Variants in FBN3 observed in about 807,000 individuals in gnomAD.
The protein encoded by FBN3 is fibrillin 3, also known as fibrillin-3.
FBN3 carries 234 observed loss-of-function variants against 330.1 expected under a neutral mutation model. That is an observed-to-expected ratio of 0.71 (90% CI 0.64 to 0.79). FBN3 has a LOEUF of 0.79. Ranked by LOEUF, FBN3 falls within the 30% of genes least tolerant of loss-of-function variation. FBN3 has a pLI of 0.00. For synonymous variants in FBN3, 1,458 were observed against 1,517.3 expected, an observed-to-expected ratio of 0.96 and a Z score of 0.91; for missense variants, 3,606 against 3,886.9, an observed-to-expected ratio of 0.93 and a Z score of 1.92.
At chr19:8,135,935 T>G in intron 13 of FBN3, 26 bp downstream of exon 13, 13 of 1,344,066 alleles carry the variant, frequency 9.7e-6, no homozygotes, top group Non-Finnish European at 1.1e-5. Flanking sequence ...CGGAAGCCCC[T>G]GCCCACCCGC....
chr19:8,142,234 G>T, intron 6 of FBN3, 97 bp from the exon 7 acceptor site: 1 of 949,934 alleles, frequency 1.1e-6, no homozygotes. Context: ...TGCACCCACA[G>T]ACCAGGCTTT....
In FBN3 at chr19:8,145,927, T is replaced by C. The variant is rs1168938170; in HGVS notation, c.361A>G (p.Ser121Gly). ...SCGVSRGSGC[S>G]VSCMNGGTCR... ...GTGCCCCCATTCATACAGCTCACAC[T>C]GCACCCTGACCCTGGGGACAGGAAG... Residue 121 changes from serine (S) to glycine (G), a missense_variant, in exon 5 of 64, where the codon AGT becomes GGT. By Grantham distance (56) the Ser-to-Gly change is moderately conservative. Transcript: ENST00000600128. The C allele has an allele frequency of 4.5e-6, 7 of 1,551,054 alleles. No homozygotes were observed. The highest frequency in any genetic ancestry group is 6.1e-6 in the Non-Finnish European group (7 of 1,146,930).
Position 8,080,987 on chromosome 19 carries a change from G to C in FBN3, c.7453+16C>G. The C allele has an allele frequency of 1.9e-6, 3 of 1,574,578 alleles. No individual in the cohort carries two copies. Among genetic ancestry groups the C allele is most frequent in the Non-Finnish European group, 2.6e-6 (3 of 1,147,188 alleles). ...GGTCATGGGTCACCTCCCGGTGAGGGGCAAGGGTCACTCACCGAAGCAGGC... is the reference window on the plus strand; with the variant it reads ...GGTCATGGGTCACCTCCCGGTGAGGCGCAAGGGTCACTCACCGAAGCAGGC... On this transcript the variant is annotated intron_variant, in intron 59 of 63. Coordinates refer to ENST00000600128, the MANE Select transcript of FBN3 (RefSeq NM_032447.5).
At chr19:8,136,582 G>T in intron 10 of FBN3, 51 bp from the exon 11 acceptor site, 1 of 1,605,922 alleles carries the variant, frequency 6.2e-7, no homozygotes, top group Non-Finnish European at 8.5e-7. Flanking sequence ...CCCCGCCCCA[G>T]TCTGGAGCCT....
chr19:8,135,935 T>TTGGGGGGGGCGGGGG, intron 13 of FBN3, 26 bp downstream of exon 13: 1 of 1,344,156 alleles, frequency 7.4e-7, no homozygotes, highest in Non-Finnish European at 1.0e-6. Context: ...CGGAAGCCCC[T>TTGGGGGGGGCGGGGG]GCCCACCCGC....
intron 8 of FBN3, among the ~76,000 whole-genome samples, chr19:8,141,358 T>A (rs1477817080): frequency 7.8e-6 from 1 of 127,772 alleles, no homozygotes; most frequent in East Asian, 2.2e-4. Context: ...AGAGTGAGAC[T>A]CTGTCTCAAA....
intron 63 of FBN3, among the ~76,000 whole-genome samples, chr19:8,069,482 GCC>G (rs201016238): frequency 7.0e-6 from 1 of 142,312 alleles, no homozygotes; most frequent in African/African-American, 2.7e-5. Context: ...CTGTTCCCCA[GCC>G]CCTCAGTTCT....
At chr19:8,130,032 G>A (rs1031267819) in intron 16 of FBN3, among the ~76,000 whole-genome samples, 28 of 151,930 alleles carry the variant, frequency 1.8e-4, no homozygotes, top group Non-Finnish European at 3.1e-4. Context: ...CAAGTAGCTG[G>A]GATTACAGCC....
chr19:8,070,310 A>G lies in FBN3; in HGVS notation c.8088+1738T>C, dbSNP rs192419926. Among the ~76,000 whole-genome samples, 17 of 152,352 alleles carry G rather than the reference A, an allele frequency of 1.1e-4. No homozygotes were observed. The East Asian group carries it at 3.3e-3, about 29-fold the overall frequency. Reference sequence around the variant, plus strand: ...TATCATATTTGTCATGTGTTATAAAAGATGATATGTTTTACATGTTGATTT... The same window carrying G: ...TATCATATTTGTCATGTGTTATAAAGGATGATATGTTTTACATGTTGATTT... On this transcript the variant is annotated intron_variant, in intron 63 of 63. Transcript: ENST00000600128.
chr19:8,096,300 C>G lies in FBN3; in HGVS notation c.5539+144G>C. ...ACTGAGGCACAGGGAGGCAGATCAA[C>G]CATTTACCCAAGATCTTAATCTCAG... On this transcript the variant is annotated intron_variant, in intron 44 of 63. Transcript: ENST00000600128. This position sits in a 1 kb window ranked among gnomAD's most constrained non-coding sequence, Gnocchi z 4.6. The G allele has an allele frequency of 9.3e-7, 1 of 1,072,816 alleles. No homozygotes were observed. The highest frequency in any genetic ancestry group is 1.3e-6 in the Non-Finnish European group (1 of 749,138). The allele number at this position is 1,072,816 out of a possible 1,614,324, so 66.5% of individuals were successfully genotyped here.
At position 8,109,626 on chromosome 19, in the gene FBN3, C is replaced by A; in HGVS notation, c.4456+5G>T. ...ACCCTGATCTGGAGTTGAGCATGGACTCACCCACGCAGCCCACTCCGCTGG... is the reference window on the plus strand; with the variant it reads ...ACCCTGATCTGGAGTTGAGCATGGAATCACCCACGCAGCCCACTCCGCTGG... On this transcript the variant is annotated splice_donor_5th_base_variant and intron_variant, in intron 35 of 63. Transcript: ENST00000600128. The surrounding 1 kb of genome is among the most constrained non-coding windows in gnomAD (Gnocchi z 5.2). 6.3e-7 allele frequency: 1 copy of A among 1,593,154 alleles called. No homozygotes were observed. Among genetic ancestry groups the A allele is most frequent in the Non-Finnish European group, 8.6e-7 (1 of 1,169,120 alleles).
intron 34 of FBN3, 122 bp downstream of exon 34, chr19:8,110,723 C>A: frequency 7.4e-7 from 1 of 1,350,426 alleles, no homozygotes; most frequent in Admixed American, 2.0e-5. Context: ...CCCCCCACCC[C>A]CCAGCAAGAC....
At position 8,073,006 on chromosome 19, in the gene FBN3, T is replaced by TGTGTGTGC. The variant is rs1358267793; in HGVS notation, c.7937+56_7937+57insGCACACAC. The TGTGTGTGC allele has an allele frequency of 1.9e-5, 18 of 964,356 alleles. No homozygotes were observed. The African/African-American group carries it at 2.6e-4, about 14-fold the overall frequency. 59.7% of individuals were successfully genotyped at this position (964,356 alleles called of 1,614,324 possible). A position where few individuals can be genotyped will look rare whatever the true frequency, so the allele number is the denominator to read the frequency against. On this transcript the variant is annotated intron_variant, in intron 62 of 63. Transcript: ENST00000600128. Reference sequence around the variant, plus strand: ...GTGTGTGTGTGTGTGTGTGTGTGCGTGCGTGCATGGACGCTTGCGGGGCAT... The same window carrying TGTGTGTGC: ...GTGTGTGTGTGTGTGTGTGTGTGCGTGTGTGTGCGCGTGCATGGACGCTTGCGGGGCAT...
At position 8,115,624 on chromosome 19, in the gene FBN3, G is replaced by A; in HGVS notation, c.3729C>T (p.Asp1243=). Residue 1243 remains aspartate (D), a synonymous_variant, in exon 30 of 64, where the codon GAC becomes GAT. Coordinates refer to ENST00000600128, the MANE Select transcript of FBN3 (RefSeq NM_032447.5). ...CATGGAGGCAGATGTGAGGGTTCAG[G>A]TCACACTCATCCACATCTGTTGGGG... The part of the protein sequence containing the change: ...MRTCVDVDEC[D]LNPHICLHGD... 1 of 1,614,000 alleles carries A rather than the reference G, an allele frequency of 6.2e-7. No individual in the cohort carries two copies. Among genetic ancestry groups the A allele is most frequent in the Non-Finnish European group, 8.5e-7 (1 of 1,179,956 alleles).
intron 9 of FBN3, 25 bp downstream of exon 9, chr19:8,138,387 C>T (rs760735192): frequency 1.2e-6 from 2 of 1,610,568 alleles, no homozygotes; most frequent in African/African-American, 1.3e-5. Context: ...CACCCACAGC[C>T]CTGCAGGCTG....
rs2082168961 is a variant in FBN3, at chr19:8,094,520, G to A, written c.5831C>T (p.Thr1944Ile). 6.2e-7 allele frequency: 1 copy of A among 1,614,092 alleles called. No homozygotes were observed. Among genetic ancestry groups the A allele is most frequent in the Non-Finnish European group, 8.5e-7 (1 of 1,179,936 alleles). Reference sequence around the variant, plus strand: ...GAAGGAGCCCTCGAGGTTCTGGCAAGTGCCGGGTAGGCAGGTTCCTGCAAG... The same window carrying A: ...GAAGGAGCCCTCGAGGTTCTGGCAAATGCCGGGTAGGCAGGTTCCTGCAAG... ...LSLAGTCLPG[T>I]CQNLEGSFRC... Residue 1944 changes from threonine to isoleucine, a missense_variant, in exon 47 of 64, where the codon ACT becomes ATT. Physicochemically the swap from Thr to Ile is moderately conservative, Grantham distance 89. Transcript: ENST00000600128.
At chr19:8,110,435 C>A (rs1188430239) in intron 34 of FBN3, among the ~76,000 whole-genome samples, 1 of 152,180 alleles carries the variant, frequency 6.6e-6, no homozygotes, top group Admixed American at 6.6e-5. Flanking sequence ...GGTCCACCAC[C>A]TGTTTGTGTC....
At chr19:8,114,482 CA>C (rs1366966212) in intron 30 of FBN3, among the ~76,000 whole-genome samples, 2 of 152,148 alleles carry the variant, frequency 1.3e-5, no homozygotes, top group Non-Finnish European at 2.9e-5. Flanking sequence ...CTCCTGACCT[CA>C]GGTAATCCAC....
intron 13 of FBN3, 26 bp downstream of exon 13, chr19:8,135,935 T>TGGGGGGGGGGGGGGGGCGG: frequency 7.4e-7 from 1 of 1,344,154 alleles, no homozygotes; most frequent in Non-Finnish European, 1.0e-6. Context: ...CGGAAGCCCC[T>TGGGGGGGGGGGGGGGGCGG]GCCCACCCGC....
Sources: gnomAD v4.1 joint callset for allele counts (sites outside exome capture counted in the v4.1 genomes callset) on GRCh38, gnomAD v4.1.1 for gene constraint, Gnocchi (gnomAD v3.1) non-coding constraint, MANE v1.5 for transcripts, NCBI Gene and HGNC (gene_info 2026-07-23, HGNC 2026-07-21) for gene names.